PRODH2: variants seen among roughly 807,000 people sequenced by gnomAD.
PRODH2 encodes hydroxyproline dehydrogenase.
In PRODH2, 49 loss-of-function variants were observed where a neutral mutation model predicts 51.9. That is an observed-to-expected ratio of 0.94 (90% CI 0.75 to 1.20). PRODH2 has a LOEUF of 1.20. Ranked by LOEUF, PRODH2 falls within the 50% of genes most tolerant of loss-of-function variation. PRODH2 has a pLI of 0.00. For missense variants in PRODH2, 597 were observed against 610.9 expected, an observed-to-expected ratio of 0.98 and a Z score of 0.24; for synonymous variants, 249 against 260.7, an observed-to-expected ratio of 0.96 and a Z score of 0.43.
At chr19:35,812,108 C>T (rs773167120) in intron 3 of PRODH2, 26 bp downstream of exon 3, 6 of 1,613,268 alleles carry the variant, frequency 3.7e-6, no homozygotes, top group Middle Eastern at 1.7e-4. Context: ...GCGCCCTCCC[C>T]GCACCCCCGT....
chr19:35,811,840 G>T, intron 4 of PRODH2, 122 bp downstream of exon 4: 1 of 935,934 alleles, frequency 1.1e-6, no homozygotes, highest in Non-Finnish European at 1.6e-6. Context: ...AGCTACAGCT[G>T]CACTTCTGCT....
At chr19:35,811,406 G>A (rs1487288283) in intron 4 of PRODH2, among the ~76,000 whole-genome samples, 1 of 137,218 alleles carries the variant, frequency 7.3e-6, no homozygotes, top group Non-Finnish European at 1.5e-5. Flanking sequence ...GAGAGAGAGA[G>A]GAGGGAGGAG....
At chr19:35,808,887 C>T (rs1486059025) in intron 4 of PRODH2, among the ~76,000 whole-genome samples, 2 of 147,384 alleles carry the variant, frequency 1.4e-5, no homozygotes, top group Non-Finnish European at 1.5e-5. Flanking sequence ...TCAAGTGATT[C>T]CCCTGCCTCA....
chr19:35,811,554 G>C (rs1253764297), intron 4 of PRODH2, among the ~76,000 whole-genome samples: 1 of 150,902 alleles, frequency 6.6e-6, no homozygotes, highest in Non-Finnish European at 1.5e-5. Flanking sequence ...GAGAGAGAAA[G>C]AAAGAAAAAA....
intron 7 of PRODH2, among the ~76,000 whole-genome samples, chr19:35,804,292 A>G (rs1271534529): frequency 5.3e-5 from 8 of 152,096 alleles, no homozygotes; most frequent in Non-Finnish European, 8.8e-5. Context: ...GGCTCAAGCG[A>G]TCCTCCCACC....
At chr19:35,802,780 T>C (rs897349162) in intron 8 of PRODH2, among the ~76,000 whole-genome samples, 188 bp downstream of exon 8, 2 of 151,996 alleles carry the variant, frequency 1.3e-5, no homozygotes, top group Non-Finnish European at 2.9e-5. Context: ...CAGGCTGGTC[T>C]CAAACAATCC....
Position 35,811,992 on chromosome 19 carries a change from C to T in PRODH2, c.567G>A (p.Glu189=), listed in dbSNP as rs374984298. The change falls in exon 4 of 10, where the codon GAG becomes GAA. Residue 189 remains glutamate, a synonymous_variant. Transcript: ENST00000653904. ...CAGAGTCCATAGCTTCAGCCAGCCT[C>T]TCGGGGCTCAGCTCCAAGGAGGCTC... is the stretch of plus-strand genomic sequence containing the variant. ...RPGASLELSP[E]RLAEAMDSGQ... is the part of the protein sequence containing the mutation. The T allele has an allele frequency of 1.8e-4, 292 of 1,614,222 alleles. No individual in the cohort carries two copies. The highest frequency in any genetic ancestry group is 1.5e-3 in the Middle Eastern group (9 of 6,060).
At chr19:35,802,761 T>G (rs951107549) in intron 8 of PRODH2, among the ~76,000 whole-genome samples, 6 of 151,916 alleles carry the variant, frequency 3.9e-5, no homozygotes, top group Non-Finnish European at 8.8e-5. Flanking sequence ...GGGGTCTTGC[T>G]GTGTTGCCCA....
chr19:35,811,843 C>A, intron 4 of PRODH2, 119 bp downstream of exon 4: 1 of 983,340 alleles, frequency 1.0e-6, no homozygotes, highest in Non-Finnish European at 1.5e-6. Flanking sequence ...TACAGCTGCA[C>A]TTCTGCTGGC....
chr19:35,811,904 G>T, intron 4 of PRODH2, 58 bp downstream of exon 4: 1 of 1,524,348 alleles, frequency 6.6e-7, no homozygotes. Context: ...GGCGTGCGGT[G>T]TGGCCGCATC....
rs1325530659 is a variant in PRODH2 at position 35,809,975 on chromosome 19, A to AAC, written c.597+1986_597+1987insGT. Among the ~76,000 whole-genome samples, 97 of 134,556 alleles carry AAC rather than the reference A, an allele frequency of 7.2e-4. 1 individual carries two copies. Among genetic ancestry groups the AAC allele is most frequent in the African/African-American group, 2.5e-3 (91 of 36,074 alleles). 88.3% of individuals were successfully genotyped at this position (134,556 alleles called of 152,430 possible). A position where few individuals can be genotyped will look rare whatever the true frequency, so the allele number is the denominator to read the frequency against. On this transcript the variant is annotated intron_variant, in intron 4 of 9. Transcript: ENST00000653904. ...TGCCGCTTCAAAAAAAAAAAAAAAAAAAAAAAAAAACGCTGGGCGTGGTGG... is the reference window on the plus strand; with the variant it reads ...TGCCGCTTCAAAAAAAAAAAAAAAAAACAAAAAAAAAACGCTGGGCGTGGTGG...
Position 35,806,749 on chromosome 19 carries a change from C to A in PRODH2, c.760G>T (p.Ala254Ser), listed in dbSNP as rs145112535. The change falls in exon 6 of 10, where the codon GCC (alanine) becomes TCC (serine). Residue 254 changes from alanine (A) to serine (S), a missense_variant. By Grantham distance (99) the Ala-to-Ser change is moderately conservative. Coordinates refer to ENST00000653904, the MANE Select transcript of PRODH2 (RefSeq NM_021232.2). ...GGGCTGTTCCAGCGCACAGCCAGGG[C>A]AGCCACCAGCAGCGAGAGCGCAGGG... ...LNPALSLLVA[A>S]LAVRWNSPGE... 1 of 1,613,866 alleles carries A rather than the reference C, an allele frequency of 6.2e-7. No individual in the cohort carries two copies. Among genetic ancestry groups the A allele is most frequent in the East Asian group, 2.2e-5 (1 of 44,878 alleles).
intron 4 of PRODH2, among the ~76,000 whole-genome samples, chr19:35,807,963 C>T (rs559825832): frequency 2.6e-5 from 4 of 152,040 alleles, no homozygotes; most frequent in Non-Finnish European, 5.9e-5. Context: ...TTTGTAGAGT[C>T]AAGGTCTTCC....
chr19:35,800,650 T>C (rs1972407787), intron 9 of PRODH2, among the ~76,000 whole-genome samples: 1 of 152,002 alleles, frequency 6.6e-6, no homozygotes, highest in Admixed American at 6.6e-5. Flanking sequence ...TTAAGTGAGT[T>C]GGATAAAATT....
Position 35,802,204 on chromosome 19 carries a change from G to C in PRODH2, c.1185C>G (p.Val395=). 6.2e-7 allele frequency: 1 copy of C among 1,614,038 alleles called. No individual in the cohort carries two copies. The highest frequency in any genetic ancestry group is 8.5e-7 in the Non-Finnish European group (1 of 1,179,974). The change falls in exon 9 of 10, where the codon GTC becomes GTG. Residue 395 remains valine, a synonymous_variant. Coordinates refer to ENST00000653904, the MANE Select transcript of PRODH2 (RefSeq NM_021232.2). ...CCATTCACATACCCAGTGCTAGAGA[G>C]ACGTGGTCACACATGCCCAGAAGTT... ...FGQLLGMCDH[V]SLALGQAGYV... is the part of the protein sequence containing the mutation.
chr19:35,801,252 G>T (rs917490284), intron 9 of PRODH2, among the ~76,000 whole-genome samples: 1 of 151,894 alleles, frequency 6.6e-6, no homozygotes, highest in African/African-American at 2.4e-5. Flanking sequence ...GATCACCTGA[G>T]GTCAGGAGTT....
At chr19:35,804,780 A>T (rs1476887570) in intron 7 of PRODH2, among the ~76,000 whole-genome samples, 2 of 150,242 alleles carry the variant, frequency 1.3e-5, no homozygotes, top group Non-Finnish European at 3.0e-5. Flanking sequence ...CTACAAAAAT[A>T]AAAAAATGTG....
rs150837293 is a variant in PRODH2 at position 35,802,395 on chromosome 19, A to G, written c.1113-119T>C. The G allele has an allele frequency of 1.7e-3, 1,460 of 859,676 alleles. 25 individuals are homozygous for G. In the East Asian group the frequency reaches 0.03, roughly 18 times the overall value. The allele number at this position is 859,676 out of a possible 1,614,324, so 53.3% of individuals were successfully genotyped here. On this transcript the variant is annotated intron_variant, in intron 8 of 9. Coordinates refer to ENST00000653904, the MANE Select transcript of PRODH2 (RefSeq NM_021232.2). Reference sequence around the variant, plus strand: ...AAACATTGAAGTATTTCCAAACTCAATGATACATAATAACCAGTCCTTTGC... The same window carrying G: ...AAACATTGAAGTATTTCCAAACTCAGTGATACATAATAACCAGTCCTTTGC...
intron 8 of PRODH2, 191 bp from the exon 9 acceptor site, chr19:35,802,467 C>A: frequency 1.6e-6 from 1 of 623,246 alleles, no homozygotes. Flanking sequence ...CCCTGGAGCC[C>A]TCAGACCTCC....
Sources: gnomAD v4.1 joint callset for allele counts (sites outside exome capture counted in the v4.1 genomes callset) on GRCh38, gnomAD v4.1.1 for gene constraint, MANE v1.5 for transcripts, NCBI Gene and HGNC (gene_info 2026-07-23, HGNC 2026-07-21) for gene names.